The following CEP152 variants were observed in gnomAD, a reference collection of about 807,000 sequenced individuals.
The protein encoded by CEP152 is centrosomal protein of 152 kDa.
In CEP152, 132 loss-of-function variants were observed where a neutral mutation model predicts 188.9. The observed-to-expected ratio is 0.70, with a 90% CI of 0.61 to 0.81. The LOEUF is 0.81. Among genes scored for constraint, CEP152 ranks in the 30% least tolerant of loss-of-function variants. The pLI, the probability that CEP152 is intolerant of heterozygous loss-of-function variation, is 0.00. For missense variants in CEP152, 1,914 were observed against 1,969.8 expected (o/e 0.97, Z 0.54); for synonymous variants, 649 against 666.6 (o/e 0.97, Z 0.41).
At chr15:48,791,986 C>T (rs1020151362) in intron 7 of CEP152, among the ~76,000 whole-genome samples, 1 of 152,144 alleles carries the variant, frequency 6.6e-6, no homozygotes, top group Non-Finnish European at 1.5e-5. Context: ...TTATCCTACA[C>T]ATACTTGCAA....
At chr15:48,780,415 C>T (rs1215704986) in intron 12 of CEP152, among the ~76,000 whole-genome samples, 1 of 152,154 alleles carries the variant, frequency 6.6e-6, no homozygotes, top group African/African-American at 2.4e-5. Context: ...TAAAACCTAT[C>T]GTAGAGCAAA....
At chr15:48,787,887 T>C (rs1436210641) in intron 9 of CEP152, among the ~76,000 whole-genome samples, 1 of 152,246 alleles carries the variant, frequency 6.6e-6, no homozygotes, top group Non-Finnish European at 1.5e-5. Context: ...TAGCTTTCAA[T>C]ATTTTATTCC....
chr15:48,750,287 T>C (rs376428495), intron 21 of CEP152, among the ~76,000 whole-genome samples: 4 of 152,170 alleles, frequency 2.6e-5, no homozygotes, highest in South Asian at 2.1e-4. Flanking sequence ...ATAACAGACA[T>C]TGTCATTAGT....
At chr15:48,769,212 C>A in intron 13 of CEP152, 131 bp from the exon 14 acceptor site, 1 of 682,300 alleles carries the variant, frequency 1.5e-6, no homozygotes, top group Non-Finnish European at 2.5e-6. Flanking sequence ...CATCTTCCCC[C>A]AATATAACTA....
chr15:48,803,541 T>G (rs562456253), intron 2 of CEP152, among the ~76,000 whole-genome samples: 58 of 152,328 alleles, frequency 3.8e-4, no homozygotes, highest in African/African-American at 1.2e-3. Flanking sequence ...TTTTACAAAT[T>G]TAACCATAAT....
chr15:48,795,864 A>C, intron 6 of CEP152, 146 bp downstream of exon 6: 2 of 731,420 alleles, frequency 2.7e-6, no homozygotes, highest in Non-Finnish European at 2.2e-6. Context: ...TATATCTCTA[A>C]AAATAAGGGC....
chr15:48,810,871 C>G (rs1898289509), intron 1 of CEP152, 90 bp downstream of exon 1: 1 of 152,684 alleles, frequency 6.5e-6, no homozygotes, highest in African/African-American at 2.4e-5. Flanking sequence ...GGGGGCAGGT[C>G]AGCCCCCCCA....
chr15:48,802,472 G>C (rs2140923515), intron 2 of CEP152, among the ~76,000 whole-genome samples: 1 of 152,298 alleles, frequency 6.6e-6, no homozygotes, highest in Non-Finnish European at 1.5e-5. Flanking sequence ...TAAGAGATGA[G>C]AGTTTCAGTT....
At chr15:48,764,198 T>A (rs1894896311) in intron 17 of CEP152, among the ~76,000 whole-genome samples, 1 of 152,198 alleles carries the variant, frequency 6.6e-6, no homozygotes, top group Non-Finnish European at 1.5e-5. Flanking sequence ...AGAAAGAAAT[T>A]TTAATCCACA....
Position 48,805,664 on chromosome 15 carries a change from A to T in CEP152, c.-7-8T>A. 2 of 1,612,518 alleles carry T rather than the reference A, an allele frequency of 1.2e-6. No homozygotes were observed. The highest frequency in any genetic ancestry group is 4.5e-5 in the East Asian group (2 of 44,648). On this transcript the variant is annotated splice_region_variant and splice_polypyrimidine_tract_variant and intron_variant, in intron 1 of 26. Transcript: ENST00000380950. ...TCTAATGACATGGTCCTCCTGTGGG[A>T]AGGGAAAGATGTTTGGTTTCTGGAC...
chr15:48,735,660 G>A (rs1193349826), downstream of CEP152, among the ~76,000 whole-genome samples: 7 of 152,090 alleles, frequency 4.6e-5, no homozygotes, highest in Non-Finnish European at 8.8e-5. Flanking sequence ...GCTTGAACCC[G>A]GGAGACGGAG....
At chr15:48,756,762 T>C (rs933916581) in intron 19 of CEP152, among the ~76,000 whole-genome samples, 5 of 152,184 alleles carry the variant, frequency 3.3e-5, no homozygotes, top group African/African-American at 1.2e-4. Context: ...TTTATATGTA[T>C]GTATAGACAC....
Position 48,756,264 on chromosome 15 carries a change from G to A in CEP152, c.2984C>T (p.Ala995Val), listed in dbSNP as rs146955708. 35 of 1,591,530 alleles carry A rather than the reference G, an allele frequency of 2.2e-5. No individual in the cohort carries two copies. The Admixed American group carries it at 3.9e-4, about 18-fold the overall frequency. ...TTTCATAAAGTCTTCTTTAGCTGCC[G>A]CAAGCACCTCATTAATTTTATTTCG... ...DHRNKINEVL[A>V]AAKEDFMKQK... The change falls in exon 20 of 27, where the codon GCG becomes GTG. Residue 995 changes from alanine to valine, a missense_variant. Coordinates refer to ENST00000380950, the MANE Select transcript of CEP152 (RefSeq NM_001194998.2).
At chr15:48,767,983 G>A (rs147437506) in intron 15 of CEP152, among the ~76,000 whole-genome samples, 4 of 152,126 alleles carry the variant, frequency 2.6e-5, no homozygotes, top group African/African-American at 9.7e-5. Context: ...TAATATTTCA[G>A]TGAACTACAG....
At chr15:48,787,700 T>A (rs1896752282) in intron 9 of CEP152, among the ~76,000 whole-genome samples, 1 of 152,044 alleles carries the variant, frequency 6.6e-6, no homozygotes, top group South Asian at 2.1e-4. Flanking sequence ...CAAATCAGCA[T>A]GAATTTTAAG....
chr15:48,781,535 G>A (rs1896242247), intron 11 of CEP152, among the ~76,000 whole-genome samples, 176 bp from the exon 12 acceptor site: 1 of 152,094 alleles, frequency 6.6e-6, no homozygotes, highest in Admixed American at 6.6e-5. Context: ...TTCAAGTAAA[G>A]CCTAAATGAA....
intron 19 of CEP152, 77 bp from the exon 20 acceptor site, chr15:48,756,630 T>C: frequency 1.4e-6 from 2 of 1,382,000 alleles, no homozygotes; most frequent in Non-Finnish European, 2.0e-6. Flanking sequence ...GTAACTATTT[T>C]GGTTAACCTC....
intron 21 of CEP152, among the ~76,000 whole-genome samples, chr15:48,749,324 T>C (rs1029616953): frequency 6.6e-6 from 1 of 152,064 alleles, no homozygotes; most frequent in Non-Finnish European, 1.5e-5. Flanking sequence ...GGAAGAATTA[T>C]AATTTCACAA....
At chr15:48,771,826 T>C (rs1162419113) in intron 13 of CEP152, among the ~76,000 whole-genome samples, 2 of 152,240 alleles carry the variant, frequency 1.3e-5, no homozygotes, top group South Asian at 2.1e-4. Context: ...CCAACAGTTA[T>C]GCAAAGTCAT....
Sources: gnomAD v4.1 joint callset for allele counts (sites outside exome capture counted in the v4.1 genomes callset) on GRCh38, gnomAD v4.1.1 for gene constraint, MANE v1.5 for transcripts, NCBI Gene and HGNC (gene_info 2026-07-23, HGNC 2026-07-21) for gene names.